MARCHF1: variants seen among roughly 807,000 people sequenced by gnomAD.
The protein encoded by MARCHF1 is membrane associated ring-CH-type finger 1.
In MARCHF1, 40 loss-of-function variants were observed where a neutral mutation model predicts 54.2. That is an observed-to-expected ratio of 0.74 (90% CI 0.57 to 0.96). The LOEUF (loss-of-function observed/expected upper bound fraction) is 0.96, where lower values mean the gene tolerates loss of function less well. Among genes scored for constraint, MARCHF1 ranks in the 40% least tolerant of loss-of-function variants. The pLI is 0.00. For synonymous variants in MARCHF1, 236 were observed against 236.3 expected (o/e 1.00, Z 0.01); for missense variants, 586 against 656.5 (o/e 0.89, Z 1.17).
chr4:163,820,244 A>T (rs1257425431), intron 4 of MARCHF1, among the ~76,000 whole-genome samples: 1 of 152,020 alleles, frequency 6.6e-6, no homozygotes, highest in Non-Finnish European at 1.5e-5. Flanking sequence ...CTGACCTCTC[A>T]TCAGCACTCT....
intron 1 of MARCHF1, among the ~76,000 whole-genome samples, chr4:164,365,304 G>A (rs1578902728): frequency 6.6e-6 from 1 of 152,138 alleles, no homozygotes; most frequent in East Asian, 1.9e-4. Flanking sequence ...TTTTCACAAT[G>A]CGTCATTTCC....
chr4:164,274,017 C>T (rs1478667083), intron 1 of MARCHF1, among the ~76,000 whole-genome samples: 1 of 133,758 alleles, frequency 7.5e-6, no homozygotes, highest in Non-Finnish European at 1.7e-5. Flanking sequence ...ATCAAAGTCC[C>T]CTAATCCTCC....
chr4:163,921,118 G>A (rs1751420425), intron 3 of MARCHF1, among the ~76,000 whole-genome samples: 1 of 152,086 alleles, frequency 6.6e-6, no homozygotes, highest in African/African-American at 2.4e-5. Flanking sequence ...GCAAACTAAG[G>A]CTAAATAAGT....
intron 5 of MARCHF1, among the ~76,000 whole-genome samples, chr4:163,630,399 T>C (rs1742031857): frequency 2.0e-5 from 3 of 152,232 alleles, no homozygotes. Context: ...TGAAGCAGAT[T>C]AGCGGTTGCT....
chr4:163,769,663 A>G (rs1036726498), intron 4 of MARCHF1, among the ~76,000 whole-genome samples: 8 of 152,206 alleles, frequency 5.3e-5, no homozygotes, highest in Non-Finnish European at 1.0e-4. Flanking sequence ...TAACAGGACT[A>G]CTATAACCTT....
chr4:164,141,052 G>A (rs1756520672), intron 1 of MARCHF1, among the ~76,000 whole-genome samples: 1 of 152,098 alleles, frequency 6.6e-6, no homozygotes, highest in Non-Finnish European at 1.5e-5. Flanking sequence ...ATTCTCAATG[G>A]CAGCTTCTGA....
chr4:163,712,496 T>C (rs939781315), intron 4 of MARCHF1, among the ~76,000 whole-genome samples: 5 of 152,368 alleles, frequency 3.3e-5, no homozygotes, highest in Middle Eastern at 3.4e-3. Flanking sequence ...CCATCCTTCA[T>C]GTAGAAGTGC....
chr4:163,671,522 T>C (rs1743735158), intron 5 of MARCHF1, among the ~76,000 whole-genome samples: 1 of 152,210 alleles, frequency 6.6e-6, no homozygotes, highest in African/African-American at 2.4e-5. Context: ...GATATTACTC[T>C]GATAGTTTTT....
chr4:163,532,452 TA>T (rs1292075567), intron 9 of MARCHF1, among the ~76,000 whole-genome samples: 1 of 151,826 alleles, frequency 6.6e-6, no homozygotes, highest in Non-Finnish European at 1.5e-5. Flanking sequence ...ATTATAGAAC[TA>T]AATGTAAACT....
In MARCHF1 at chr4:164,001,378, A is replaced by G. The variant is rs566675229; in HGVS notation, c.-247-12669T>C. 5.9e-5 allele frequency among the ~76,000 whole-genome samples: 9 copies of G among 151,860 alleles called. 1 individual carries two copies. The South Asian group carries it at 1.9e-3, about 31-fold the overall frequency. The stretch of plus-strand genomic sequence containing the variant: ...CTAGGAAGAGAATGGAAATCATAAA[A>G]TCAGGTAATAATATAAGAGACAAGA... On this transcript the variant is annotated intron_variant, in intron 2 of 9. Transcript: ENST00000514618.
chr4:163,997,104 G>A (rs1420379462), intron 2 of MARCHF1, among the ~76,000 whole-genome samples: 3 of 152,092 alleles, frequency 2.0e-5, no homozygotes, highest in South Asian at 2.1e-4. Flanking sequence ...AAATCCAAGA[G>A]AAACAGCCAA....
chr4:163,548,210 T>G (rs1452888178), intron 8 of MARCHF1, among the ~76,000 whole-genome samples: 4 of 152,246 alleles, frequency 2.6e-5, no homozygotes, highest in Admixed American at 2.6e-4. Context: ...AAATATTCCT[T>G]GAATTACTTC....
intron 3 of MARCHF1, among the ~76,000 whole-genome samples, chr4:163,906,603 A>G (rs1011069760): frequency 3.9e-5 from 6 of 151,916 alleles, no homozygotes; most frequent in Non-Finnish European, 8.8e-5. Context: ...CCATAAACCT[A>G]TTTATCACCT....
At chr4:164,081,252 A>G (rs1051474522) in intron 2 of MARCHF1, among the ~76,000 whole-genome samples, 8 of 144,814 alleles carry the variant, frequency 5.5e-5, no homozygotes, top group African/African-American at 2.0e-4. Context: ...TATTATTTGC[A>G]TATTAAATTG....
intron 5 of MARCHF1, among the ~76,000 whole-genome samples, chr4:163,666,707 AT>A (rs111964280): frequency 0.03 from 4,278 of 144,000 alleles, 190 homozygotes; most frequent in African/African-American, 0.094. Flanking sequence ...AAATTTTCAG[AT>A]TTTTTTTTTT....
intron 1 of MARCHF1, among the ~76,000 whole-genome samples, chr4:164,234,075 C>A (rs1194434382): frequency 6.6e-6 from 1 of 152,078 alleles, no homozygotes; most frequent in Non-Finnish European, 1.5e-5. Context: ...CAATTGAGGT[C>A]TATTTTGACA....
chr4:164,072,664 A>G (rs1754892767), intron 2 of MARCHF1, among the ~76,000 whole-genome samples: 1 of 151,012 alleles, frequency 6.6e-6, no homozygotes, highest in Admixed American at 6.6e-5. Flanking sequence ...TCCCCTTTTC[A>G]AAAATGAGAG....
intron 3 of MARCHF1, chr4:163,933,241 G>A: frequency 1.4e-6 from 1 of 723,806 alleles, no homozygotes; most frequent in Non-Finnish European, 2.4e-6. Flanking sequence ...TGCAGCAGAA[G>A]GGGCTGAAAC....
chr4:163,873,075 A>C (rs564387344), intron 3 of MARCHF1, among the ~76,000 whole-genome samples: 38 of 144,818 alleles, frequency 2.6e-4, no homozygotes, highest in African/African-American at 9.9e-4. Flanking sequence ...ACAAAAAAAA[A>C]CAAACAAACA....
Sources: gnomAD v4.1 joint callset for allele counts (sites outside exome capture counted in the v4.1 genomes callset) on GRCh38, gnomAD v4.1.1 for gene constraint, MANE v1.5 for transcripts, NCBI Gene and HGNC (gene_info 2026-07-23, HGNC 2026-07-21) for gene names.